The following CSMD3 variants were observed in gnomAD, a reference collection of about 807,000 sequenced individuals.
CSMD3 encodes the protein CUB and sushi domain-containing protein 3.
CSMD3 carries 177 observed loss-of-function variants against 435.2 expected under a neutral mutation model. That is an observed-to-expected ratio of 0.41 (90% CI 0.36 to 0.46). The LOEUF (loss-of-function observed/expected upper bound fraction) is 0.46. Ranked by LOEUF, CSMD3 falls within the 20% of genes least tolerant of loss-of-function variation. The probability of loss-of-function intolerance (pLI) is 0.34; values close to 1 mark genes in which losing one functional copy is unlikely to be tolerated. For missense variants in CSMD3, 4,265 were observed against 4,504.6 expected, an observed-to-expected ratio of 0.95 and a Z score of 1.52; for synonymous variants, 1,656 against 1,520.5, an observed-to-expected ratio of 1.09 and a Z score of -2.07.
intron 5 of CSMD3, among the ~76,000 whole-genome samples, chr8:113,079,632 G>A (rs2089476732): frequency 1.3e-5 from 2 of 152,018 alleles, no homozygotes; most frequent in Middle Eastern, 3.4e-3. Context: ...ACTTAGATCA[G>A]GACAAATCAT....
Position 112,531,009 on chromosome 8 carries a change from G to C in CSMD3, c.4565-13784C>G, listed in dbSNP as rs371542635. On this transcript the variant is annotated intron_variant, in intron 27 of 70. Coordinates refer to ENST00000297405, the MANE Select transcript of CSMD3 (RefSeq NM_198123.2). The stretch of plus-strand genomic sequence containing the variant: ...GGCTGTGGGCTTATGATGCAACCCA[G>C]TGTGACATCAGCTGCGGGGGCCACA... Among the ~76,000 whole-genome samples the C allele has an allele frequency of 4.3e-4, 65 of 152,142 alleles. No individual in the cohort carries two copies. The South Asian group carries it at 0.013, about 31-fold the overall frequency.
Position 112,921,846 on chromosome 8 carries a change from G to A in CSMD3, c.1509-95C>T, listed in dbSNP as rs868722485. Reference sequence around the variant, plus strand: ...TGGCAATATCCAATAGGTCAAATATGTACTATAGTGACAAAAAGTATTTTG... The same window carrying A: ...TGGCAATATCCAATAGGTCAAATATATACTATAGTGACAAAAAGTATTTTG... On this transcript the variant is annotated intron_variant, in intron 9 of 70. Coordinates refer to ENST00000297405, the MANE Select transcript of CSMD3 (RefSeq NM_198123.2). 52 of 912,302 alleles carry A rather than the reference G, an allele frequency of 5.7e-5. No homozygotes were observed. In the Admixed American group the frequency reaches 5.9e-4, roughly 10 times the overall value. 56.5% of individuals were successfully genotyped at this position (912,302 alleles called of 1,614,324 possible). A position where few individuals can be genotyped will look rare whatever the true frequency, so the allele number is the denominator to read the frequency against.
intron 7 of CSMD3, among the ~76,000 whole-genome samples, chr8:112,965,210 A>G (rs913236745): frequency 1.2e-4 from 18 of 152,136 alleles, no homozygotes; most frequent in African/African-American, 4.3e-4. Context: ...TTTAAAAGTC[A>G]CATACGCCAC....
At chr8:112,798,813 T>C (rs1294034507) in intron 13 of CSMD3, among the ~76,000 whole-genome samples, 1 of 151,718 alleles carries the variant, frequency 6.6e-6, no homozygotes, top group East Asian at 1.9e-4. Flanking sequence ...ATGGAGAAAA[T>C]AACAGAAACA....
intron 3 of CSMD3, among the ~76,000 whole-genome samples, chr8:113,197,397 A>C (rs2092670180): frequency 6.6e-6 from 1 of 151,244 alleles, no homozygotes; most frequent in East Asian, 1.9e-4. Flanking sequence ...CTCCAAAAAA[A>C]AATCCAAAAC....
At chr8:113,146,714 G>A (rs1465666980) in intron 4 of CSMD3, among the ~76,000 whole-genome samples, 1 of 151,552 alleles carries the variant, frequency 6.6e-6, no homozygotes, top group Non-Finnish European at 1.5e-5. Context: ...ATATATTGCA[G>A]CCAGCTGACT....
intron 1 of CSMD3, among the ~76,000 whole-genome samples, chr8:113,406,179 C>T (rs1034180014): frequency 3.3e-5 from 5 of 151,738 alleles, no homozygotes; most frequent in African/African-American, 7.3e-5. Flanking sequence ...TTCTGGTTTG[C>T]AAATATTTAT....
chr8:112,352,550 G>C lies in CSMD3; in HGVS notation c.6137-16C>G, dbSNP rs776007477. ...AAACCAATTGCTAAGAATATTTAAT[G>C]ATAACAATTTAAGTAACTTTCAAGT... On this transcript the variant is annotated splice_polypyrimidine_tract_variant and intron_variant, in intron 38 of 70. Transcript: ENST00000297405. The C allele has an allele frequency of 1.9e-6, 3 of 1,595,252 alleles. No homozygotes were observed. Among genetic ancestry groups the C allele is most frequent in the Non-Finnish European group, 2.6e-6 (3 of 1,163,892 alleles).
At chr8:112,526,836 G>A (rs1825021716) in intron 27 of CSMD3, among the ~76,000 whole-genome samples, 1 of 151,810 alleles carries the variant, frequency 6.6e-6, no homozygotes, top group Admixed American at 6.6e-5. Context: ...AGAAGGAAAT[G>A]GAAATACACT....
At chr8:113,266,434 T>C (rs2132388333) in intron 3 of CSMD3, among the ~76,000 whole-genome samples, 1 of 151,522 alleles carries the variant, frequency 6.6e-6, no homozygotes, top group African/African-American at 2.4e-5. Context: ...TATTTTCTCA[T>C]ATCCATTTAA....
chr8:113,095,566 A>G (rs2090139356), intron 5 of CSMD3, among the ~76,000 whole-genome samples: 1 of 152,080 alleles, frequency 6.6e-6, no homozygotes, highest in African/African-American at 2.4e-5. Context: ...ATTCCATTAT[A>G]ATTTTTTCTT....
intron 12 of CSMD3, among the ~76,000 whole-genome samples, chr8:112,812,526 T>C (rs1296412567): frequency 6.6e-6 from 1 of 152,142 alleles, no homozygotes; most frequent in Non-Finnish European, 1.5e-5. Flanking sequence ...GTACTTCACT[T>C]CCTTTCATTC....
rs557025985 is a variant in CSMD3, at chr8:112,360,120, C to T, written c.6137-7586G>A. ...TGCTTTGTCTATACAATTTCACCTT[C>T]CTTTGGTACAATTTTAGTTTCTTGG... On this transcript the variant is annotated intron_variant, in intron 38 of 70. Coordinates refer to ENST00000297405, the MANE Select transcript of CSMD3 (RefSeq NM_198123.2). Among the ~76,000 whole-genome samples the T allele has an allele frequency of 9.2e-5, 14 of 152,086 alleles. No individual in the cohort carries two copies. The East Asian group carries it at 2.7e-3, about 29-fold the overall frequency.
At chr8:113,024,848 A>G (rs961823606) in intron 5 of CSMD3, among the ~76,000 whole-genome samples, 2 of 152,130 alleles carry the variant, frequency 1.3e-5, no homozygotes, top group East Asian at 3.9e-4. Flanking sequence ...CATTGTACCT[A>G]TCAAGTAATT....
intron 17 of CSMD3, among the ~76,000 whole-genome samples, chr8:112,664,276 C>A (rs7813288): frequency 0.29 from 44,182 of 151,798 alleles, 6,504 homozygotes; most frequent in East Asian, 0.36. Flanking sequence ...TGGATGAAAT[C>A]TTTGTCCTAT....
intron 3 of CSMD3, among the ~76,000 whole-genome samples, chr8:113,223,870 G>T (rs1263045007): frequency 6.6e-6 from 1 of 150,406 alleles, no homozygotes; most frequent in Admixed American, 6.7e-5. Flanking sequence ...ATTATTTCCA[G>T]CTACTAATCG....
intron 1 of CSMD3, among the ~76,000 whole-genome samples, chr8:113,324,529 T>A (rs942179771): frequency 6.6e-6 from 1 of 152,052 alleles, no homozygotes; most frequent in African/African-American, 2.4e-5. Context: ...AGAACTGGGG[T>A]TTGGGAACCT....
intron 11 of CSMD3, among the ~76,000 whole-genome samples, chr8:112,853,084 T>C (rs77566873): frequency 0.01 from 1,577 of 152,340 alleles, 35 homozygotes; most frequent in African/African-American, 0.036. Flanking sequence ...GGATATTTGT[T>C]TCCTGGGTTG....
chr8:112,325,569 G>T (rs1357002208), intron 45 of CSMD3, among the ~76,000 whole-genome samples: 1 of 152,030 alleles, frequency 6.6e-6, no homozygotes, highest in Non-Finnish European at 1.5e-5. Flanking sequence ...ATAATCCAGT[G>T]TTCAGCACGT....
Sources: allele counts gnomAD v4.1 joint callset (sites outside exome capture counted in the v4.1 genomes callset), GRCh38; gene constraint gnomAD v4.1.1; transcripts MANE v1.5; gene names NCBI Gene and HGNC (gene_info 2026-07-23, HGNC 2026-07-21).